The following NECAB1 variants were observed in gnomAD, a reference collection of about 807,000 sequenced individuals.
NECAB1 encodes the protein N-terminal EF-hand calcium binding protein 1.
In NECAB1, 29 loss-of-function variants were observed where a neutral mutation model predicts 57.5. The observed-to-expected ratio is 0.50, with a 90% confidence interval of 0.38 to 0.69. The LOEUF is 0.69. Among genes scored for constraint, NECAB1 ranks in the 30% least tolerant of loss-of-function variants. NECAB1 has a pLI of 0.00. For missense variants in NECAB1, 372 were observed against 413.8 expected, an observed-to-expected ratio of 0.90 and a Z score of 0.88; for synonymous variants, 142 against 147.7, an observed-to-expected ratio of 0.96 and a Z score of 0.28.
chr8:90,934,216 C>A (rs1214937546), intron 8 of NECAB1, 88 bp from the exon 9 acceptor site: 2 of 899,548 alleles, frequency 2.2e-6, no homozygotes, highest in Non-Finnish European at 3.3e-6. Flanking sequence ...TCAATGTTAG[C>A]CATGAGAGAA....
At chr8:90,852,845 T>C (rs1459028400) in intron 3 of NECAB1, among the ~76,000 whole-genome samples, 1 of 152,202 alleles carries the variant, frequency 6.6e-6, no homozygotes, top group East Asian at 1.9e-4. Context: ...CATCCTTCAA[T>C]TCATTCGTGC....
chr8:90,872,025 TTAA>T (rs1366811227), intron 3 of NECAB1, 100 bp from the exon 4 acceptor site: 19 of 848,918 alleles, frequency 2.2e-5, no homozygotes, highest in Admixed American at 8.3e-5. Flanking sequence ...ATACCATCAA[TTAA>T]TAATATAGCT....
At position 90,916,917 on chromosome 8, in the gene NECAB1, A is replaced by T. The variant is rs541398034; in HGVS notation, c.358-575A>T. ...CTCAGGTAAAGTTACTGAAGGAAAG[A>T]CATAAGCAGATTTAGTAAACCATTT... On this transcript the variant is annotated intron_variant, in intron 5 of 12. Transcript: ENST00000417640. Among the ~76,000 whole-genome samples the T allele has an allele frequency of 3.3e-5, 5 of 152,338 alleles. No homozygotes were observed. The South Asian group carries it at 1.0e-3, about 32-fold the overall frequency.
At chr8:90,896,533 A>G (rs1809339977) in intron 5 of NECAB1, among the ~76,000 whole-genome samples, 1 of 152,042 alleles carries the variant, frequency 6.6e-6, no homozygotes, top group Non-Finnish European at 1.5e-5. Flanking sequence ...GGAACCCGGG[A>G]GGCGGAGCTT....
At chr8:90,829,109 T>C (rs1005225538) in intron 3 of NECAB1, among the ~76,000 whole-genome samples, 1 of 152,092 alleles carries the variant, frequency 6.6e-6, no homozygotes. Context: ...TTAAAGATGT[T>C]TTAAACTCAC....
chr8:90,835,000 TA>T (rs34904518), intron 3 of NECAB1, among the ~76,000 whole-genome samples: 45,513 of 148,444 alleles, frequency 0.31, 7,846 homozygotes, highest in East Asian at 0.72. Context: ...TTTTTTTTTT[TA>T]AAAAAGAGCC....
chr8:90,915,253 A>G (rs1809923413), intron 5 of NECAB1, among the ~76,000 whole-genome samples: 1 of 152,198 alleles, frequency 6.6e-6, no homozygotes, highest in Non-Finnish European at 1.5e-5. Context: ...ATATGGAAAT[A>G]ACTGTGGGAA....
intron 3 of NECAB1, among the ~76,000 whole-genome samples, chr8:90,830,083 T>C (rs144141408): frequency 7.3e-4 from 111 of 152,208 alleles, no homozygotes; most frequent in African/African-American, 2.6e-3. Context: ...TCTTGAGTTA[T>C]CTTTTACACT....
At chr8:90,949,752 T>G in intron 10 of NECAB1, 55 bp from the exon 11 acceptor site, 1 of 1,028,762 alleles carries the variant, frequency 9.7e-7, no homozygotes, top group Non-Finnish European at 1.5e-6. Context: ...TTAGAAAAGT[T>G]AGCTTGCATC....
At chr8:90,907,343 A>G (rs1395998110) in intron 5 of NECAB1, among the ~76,000 whole-genome samples, 1 of 152,292 alleles carries the variant, frequency 6.6e-6, no homozygotes, top group East Asian at 1.9e-4. Flanking sequence ...AAGAAAGGCA[A>G]GCCCAGGCTA....
chr8:90,934,999 T>C (rs776437480), intron 9 of NECAB1, among the ~76,000 whole-genome samples: 1 of 152,182 alleles, frequency 6.6e-6, no homozygotes, highest in Admixed American at 6.5e-5. Flanking sequence ...GAGGCAAACA[T>C]GCATAGTACA....
chr8:90,812,415 C>G (rs1367018716), intron 2 of NECAB1, among the ~76,000 whole-genome samples: 1 of 152,056 alleles, frequency 6.6e-6, no homozygotes, highest in Non-Finnish European at 1.5e-5. Flanking sequence ...TGTTAATTCT[C>G]CATGGAAATG....
intron 3 of NECAB1, among the ~76,000 whole-genome samples, chr8:90,850,358 T>C (rs1812660744): frequency 6.6e-6 from 1 of 152,162 alleles, no homozygotes; most frequent in Non-Finnish European, 1.5e-5. Flanking sequence ...GTCCTGTGCA[T>C]AAAGGAGCAC....
intron 5 of NECAB1, among the ~76,000 whole-genome samples, chr8:90,904,482 A>C (rs892168018): frequency 1.3e-5 from 2 of 152,078 alleles, no homozygotes; most frequent in Non-Finnish European, 2.9e-5. Context: ...AAATGAAAAC[A>C]TCAGGAAACC....
At chr8:90,927,608 G>GAC (rs1359513519) in intron 7 of NECAB1, among the ~76,000 whole-genome samples, 1 of 104,230 alleles carries the variant, frequency 9.6e-6, no homozygotes, top group African/African-American at 5.4e-5. Context: ...CTTGGTGCTA[G>GAC]ATACACACAC....
Position 90,793,665 on chromosome 8 carries a change from G to A in NECAB1, c.99+1680G>A, listed in dbSNP as rs78329661. 4.7e-3 allele frequency among the ~76,000 whole-genome samples: 714 copies of A among 152,288 alleles called. 7 individuals carry two copies. Among genetic ancestry groups the A allele is most frequent in the African/African-American group, 0.016 (678 of 41,556 alleles). On this transcript the variant is annotated intron_variant, in intron 1 of 12. Transcript: ENST00000417640. ...CAGTTATGAGGCTGACAATTAAGGGGCCATGGAGTTGATTCAAAGGGGACA... is the reference window on the plus strand; with the variant it reads ...CAGTTATGAGGCTGACAATTAAGGGACCATGGAGTTGATTCAAAGGGGACA...
intron 10 of NECAB1, among the ~76,000 whole-genome samples, chr8:90,945,866 A>G (rs1186278760): frequency 5.9e-5 from 9 of 152,224 alleles, no homozygotes; most frequent in Non-Finnish European, 1.0e-4. Flanking sequence ...GCTTTAGCCA[A>G]TGAGTGTTAA....
intron 5 of NECAB1, among the ~76,000 whole-genome samples, chr8:90,908,282 G>A (rs530232974): frequency 3.0e-4 from 46 of 152,188 alleles, no homozygotes; most frequent in African/African-American, 1.1e-3. Context: ...GAGCAATAAG[G>A]TGGAAAGCAG....
At chr8:90,878,427 T>A (rs1057209080) in intron 4 of NECAB1, among the ~76,000 whole-genome samples, 1 of 152,176 alleles carries the variant, frequency 6.6e-6, no homozygotes, top group African/African-American at 2.4e-5. Flanking sequence ...TGGATGTGTC[T>A]GGCTCTTTCA....
Sources: allele counts gnomAD v4.1 joint callset (sites outside exome capture counted in the v4.1 genomes callset), GRCh38; gene constraint gnomAD v4.1.1; transcripts MANE v1.5; gene names NCBI Gene and HGNC (gene_info 2026-07-23, HGNC 2026-07-21).